UBE3C: variants seen among roughly 807,000 people sequenced by gnomAD.
UBE3C encodes the protein ubiquitin-protein ligase E3C.
Under a neutral mutation model 129.4 loss-of-function variants are expected in UBE3C, and 42 were observed. That is an observed-to-expected ratio of 0.32 (90% CI 0.25 to 0.42). The LOEUF is 0.42. Ranked by LOEUF, UBE3C falls within the 10% of genes least tolerant of loss-of-function variation. The pLI is 1.00. For synonymous variants in UBE3C, 510 were observed against 492.4 expected (o/e 1.04, Z -0.47); for missense variants, 1,049 against 1,319.1 (o/e 0.80, Z 3.17).
intron 10 of UBE3C, chr7:157,189,225 C>CT (rs1407774805): frequency 2.8e-6 from 1 of 351,030 alleles, no homozygotes; most frequent in African/African-American, 2.1e-5. Flanking sequence ...TTTTATATCA[C>CT]TTTTAAGTTT....
intron 16 of UBE3C, 149 bp downstream of exon 16, chr7:157,223,500 AT>A: frequency 1.5e-6 from 1 of 646,780 alleles, no homozygotes; most frequent in Non-Finnish European, 2.5e-6. Flanking sequence ...GCTAAGAATG[AT>A]TTATAAAACC....
At chr7:157,212,147 T>C (rs891945829) in intron 13 of UBE3C, among the ~76,000 whole-genome samples, 2 of 152,192 alleles carry the variant, frequency 1.3e-5, no homozygotes, top group Non-Finnish European at 2.9e-5. Context: ...GTATGCTTTG[T>C]ATTTTGCTTT....
intron 2 of UBE3C, among the ~76,000 whole-genome samples, chr7:157,167,065 G>A (rs898159247): frequency 9.2e-5 from 14 of 152,086 alleles, no homozygotes; most frequent in Non-Finnish European, 2.9e-5. Flanking sequence ...AAGTAGCTGG[G>A]ATTACAGGCG....
At chr7:157,185,020 TG>T (rs761779670) in intron 9 of UBE3C, among the ~76,000 whole-genome samples, 1 of 152,242 alleles carries the variant, frequency 6.6e-6, no homozygotes, top group Non-Finnish European at 1.5e-5. Context: ...TTCATTTTTT[TG>T]TATGTTTATA....
intron 1 of UBE3C, among the ~76,000 whole-genome samples, chr7:157,163,388 CAAAAA>C (rs367764291): frequency 3.2e-5 from 3 of 95,224 alleles, no homozygotes; most frequent in Non-Finnish European, 6.6e-5. Context: ...GACTCCATCT[CAAAAA>C]AAAAAAAAAA....
intron 5 of UBE3C, among the ~76,000 whole-genome samples, chr7:157,175,886 T>A (rs1204042695): frequency 6.6e-6 from 1 of 152,164 alleles, no homozygotes; most frequent in African/African-American, 2.4e-5. Flanking sequence ...TTTATGTAAA[T>A]GGCGAGATAG....
intron 15 of UBE3C, chr7:157,222,826 G>T: frequency 5.6e-6 from 1 of 178,218 alleles, no homozygotes; most frequent in Non-Finnish European, 1.2e-5. Context: ...CTTCTCCCAG[G>T]CACCATCTCA....
chr7:157,178,656 TGTAA>T (rs1362259076), intron 5 of UBE3C, 30 bp from the exon 6 acceptor site: 2 of 1,598,924 alleles, frequency 1.3e-6, no homozygotes, highest in Non-Finnish European at 1.7e-6. Context: ...TTTGCCATCC[TGTAA>T]GTGTGTGAAT....
intron 1 of UBE3C, among the ~76,000 whole-genome samples, chr7:157,145,268 G>A (rs578238530): frequency 2.0e-5 from 3 of 151,680 alleles, no homozygotes; most frequent in Non-Finnish European, 4.4e-5. Flanking sequence ...GAGGAGGCCC[G>A]GCACTTTGGA....
intron 13 of UBE3C, among the ~76,000 whole-genome samples, chr7:157,211,880 G>A (rs1302604843): frequency 6.6e-6 from 1 of 152,174 alleles, no homozygotes; most frequent in African/African-American, 2.4e-5. Flanking sequence ...GCTAATGACA[G>A]TGGGAAACAG....
intron 22 of UBE3C, among the ~76,000 whole-genome samples, chr7:157,265,259 A>T (rs1339439145): frequency 6.6e-6 from 1 of 152,224 alleles, no homozygotes; most frequent in Non-Finnish European, 1.5e-5. Context: ...GCCAGATACT[A>T]AATCTGCACA....
intron 17 of UBE3C, among the ~76,000 whole-genome samples, chr7:157,227,807 A>G (rs1050996662): frequency 2.0e-5 from 3 of 152,226 alleles, no homozygotes; most frequent in African/African-American, 2.4e-5. Flanking sequence ...AAAAATTGTT[A>G]AAAAACTGAT....
In UBE3C at chr7:157,174,996, C is replaced by G. The variant is rs759353206; in HGVS notation, c.420C>G (p.Cys140Trp). 1 of 1,612,188 alleles carries G rather than the reference C, an allele frequency of 6.2e-7. No homozygotes were observed. The highest frequency in any genetic ancestry group is 8.5e-7 in the Non-Finnish European group (1 of 1,179,298). Residue 140 changes from cysteine (C) to tryptophan (W), a missense_variant, in exon 5 of 23, where the codon TGC (cysteine) becomes TGG (tryptophan). This residue lies in a region of UBE3C where 489 missense variants were observed against 513.8 expected (regional missense o/e 0.95). Coordinates refer to ENST00000348165, the MANE Select transcript of UBE3C (RefSeq NM_014671.3). ...KQLDGSERLT[C>W]LFQIKRLMSL... ...TGGATGGATCTGAGAGACTTACATGCTTATTTCAGATAAAAAGATTGATGA... is the reference window on the plus strand; with the variant it reads ...TGGATGGATCTGAGAGACTTACATGGTTATTTCAGATAAAAAGATTGATGA...
intron 1 of UBE3C, among the ~76,000 whole-genome samples, chr7:157,141,363 G>A (rs766332207): frequency 3.3e-5 from 5 of 152,186 alleles, no homozygotes; most frequent in Non-Finnish European, 7.3e-5. Flanking sequence ...ATTCATTACA[G>A]TCATATGTGA....
At chr7:157,170,964 T>C (rs1363600733) in intron 4 of UBE3C, among the ~76,000 whole-genome samples, 4 of 151,788 alleles carry the variant, frequency 2.6e-5, no homozygotes, top group Non-Finnish European at 5.9e-5. Flanking sequence ...GTGTACACCT[T>C]GTTAATGTTA....
Position 157,144,278 on chromosome 7 carries a change from A to C in UBE3C, c.66+4940A>C, listed in dbSNP as rs148194590. ...GCCATAGCACTCCAGCCTAGGCGACACAGCATGACCCCATCTCTTAAAAAA... is the reference window on the plus strand; with the variant it reads ...GCCATAGCACTCCAGCCTAGGCGACCCAGCATGACCCCATCTCTTAAAAAA... On this transcript the variant is annotated intron_variant, in intron 1 of 22. Transcript: ENST00000348165. Among the ~76,000 whole-genome samples, 1,441 of 152,318 alleles carry C rather than the reference A, an allele frequency of 9.5e-3. 14 individuals are homozygous for C. Among genetic ancestry groups the C allele is most frequent in the Admixed American group, 0.015 (231 of 15,298 alleles).
chr7:157,140,969 G>C (rs1250890081), intron 1 of UBE3C, among the ~76,000 whole-genome samples: 2 of 152,224 alleles, frequency 1.3e-5, no homozygotes, highest in Admixed American at 1.3e-4. Flanking sequence ...GGGAAGCTGG[G>C]TAGGGAAGGA....
intron 14 of UBE3C, among the ~76,000 whole-genome samples, chr7:157,220,082 A>T (rs1795696386): frequency 6.6e-6 from 1 of 152,074 alleles, no homozygotes. Context: ...GTGATGGTAT[A>T]CACCTGTAGT....
chr7:157,142,186 G>A (rs964480973), intron 1 of UBE3C, among the ~76,000 whole-genome samples: 6 of 152,146 alleles, frequency 3.9e-5, no homozygotes, highest in Admixed American at 2.0e-4. Flanking sequence ...TGCCGCATAA[G>A]TCCCTTCCCT....
Sources: allele counts gnomAD v4.1 joint callset (sites outside exome capture counted in the v4.1 genomes callset), GRCh38; gene constraint gnomAD v4.1.1; regional missense constraint gnomAD v4.1.1; transcripts MANE v1.5; gene names NCBI Gene and HGNC (gene_info 2026-07-23, HGNC 2026-07-21).